ZBTB7C: variants seen among roughly 807,000 people sequenced by gnomAD.
ZBTB7C encodes the protein zinc finger and BTB domain-containing protein 7C.
A neutral mutation model predicts 25.7 loss-of-function variants in ZBTB7C; 8 were observed. The ratio of observed to expected loss-of-function variants is 0.31; its 90% CI spans 0.18 to 0.56. ZBTB7C has a LOEUF of 0.56. Ranked by LOEUF, ZBTB7C falls within the 20% of genes least tolerant of loss-of-function variation. ZBTB7C has a pLI of 0.91. For synonymous variants in ZBTB7C, 394 were observed against 369.0 expected, an observed-to-expected ratio of 1.07 and a Z score of -0.78; for missense variants, 824 against 855.2, an observed-to-expected ratio of 0.96 and a Z score of 0.46.
chr18:48,171,062 G>A (rs1184312076), intron 3 of ZBTB7C, among the ~76,000 whole-genome samples: 1 of 152,196 alleles, frequency 6.6e-6, no homozygotes. Flanking sequence ...GGAACCTAAG[G>A]TTGGTAGGTC....
At chr18:48,239,341 T>C (rs2043463417) in intron 2 of ZBTB7C, among the ~76,000 whole-genome samples, 1 of 152,132 alleles carries the variant, frequency 6.6e-6, no homozygotes, top group Admixed American at 6.5e-5. Context: ...CAAGCTTGTA[T>C]CAGCTGATGC....
At chr18:48,247,961 A>C (rs980300629) in intron 2 of ZBTB7C, among the ~76,000 whole-genome samples, 1 of 152,168 alleles carries the variant, frequency 6.6e-6, no homozygotes, top group Non-Finnish European at 1.5e-5. Context: ...GAGATAATTG[A>C]ATCATGGGGG....
At chr18:48,041,179 T>A (rs2036228625) in intron 3 of ZBTB7C, 56 bp from the exon 4 acceptor site, 1 of 1,512,470 alleles carries the variant, frequency 6.6e-7, no homozygotes, top group South Asian at 1.3e-5. Context: ...CCAGGAGGGG[T>A]CTCAACTCTA....
At chr18:48,186,727 T>G (rs757937998) in intron 2 of ZBTB7C, among the ~76,000 whole-genome samples, 1 of 151,558 alleles carries the variant, frequency 6.6e-6, no homozygotes, top group Non-Finnish European at 1.5e-5. Context: ...CAAGACAGGA[T>G]GCCCTTTAGT....
At chr18:48,168,596 A>C (rs2041351839) in intron 3 of ZBTB7C, among the ~76,000 whole-genome samples, 1 of 152,210 alleles carries the variant, frequency 6.6e-6, no homozygotes, top group Non-Finnish European at 1.5e-5. Context: ...TTATTAATAA[A>C]ATGTAAACAC....
At chr18:48,274,474 A>T (rs2044586246) in intron 2 of ZBTB7C, among the ~76,000 whole-genome samples, 1 of 152,148 alleles carries the variant, frequency 6.6e-6, no homozygotes, top group East Asian at 1.9e-4. Flanking sequence ...CTCTACCAGG[A>T]TGACTCAGCA....
intron 2 of ZBTB7C, among the ~76,000 whole-genome samples, chr18:48,311,232 C>T (rs968208825): frequency 6.6e-6 from 1 of 152,170 alleles, no homozygotes; most frequent in South Asian, 2.1e-4. Context: ...CCTGCCTGCC[C>T]GTGGTGGGAG....
chr18:48,399,457 G>A (rs1250682769), intron 1 of ZBTB7C, among the ~76,000 whole-genome samples: 1 of 152,204 alleles, frequency 6.6e-6, no homozygotes, highest in Non-Finnish European at 1.5e-5. Flanking sequence ...AACAGTTCAA[G>A]GCAGCCTGTT....
intron 3 of ZBTB7C, among the ~76,000 whole-genome samples, chr18:48,178,784 T>G (rs2041774762): frequency 6.6e-6 from 1 of 152,188 alleles, no homozygotes; most frequent in Non-Finnish European, 1.5e-5. Context: ...GTTCTCCTGC[T>G]TGTAATGACA....
intron 3 of ZBTB7C, among the ~76,000 whole-genome samples, chr18:48,054,000 G>C (rs2036808749): frequency 6.6e-6 from 1 of 152,230 alleles, no homozygotes; most frequent in Non-Finnish European, 1.5e-5. Context: ...AGTGAGGATG[G>C]CACATGCAGA....
intron 2 of ZBTB7C, chr18:48,252,852 A>G (rs2043908365): frequency 6.6e-6 from 1 of 152,236 alleles, no homozygotes; most frequent in Non-Finnish European, 1.5e-5. Flanking sequence ...GCAGTCCCTG[A>G]CATTTATTAG....
chr18:48,394,479 T>A (rs1406987477), intron 1 of ZBTB7C, among the ~76,000 whole-genome samples: 1 of 152,098 alleles, frequency 6.6e-6, no homozygotes, highest in Non-Finnish European at 1.5e-5. Context: ...ATGCAGTGGG[T>A]TCATTCATTT....
intron 3 of ZBTB7C, among the ~76,000 whole-genome samples, chr18:48,099,836 C>G (rs1378806313): frequency 6.6e-6 from 1 of 152,220 alleles, no homozygotes; most frequent in Non-Finnish European, 1.5e-5. Flanking sequence ...CTCAGTTGTC[C>G]AAATACCATT....
intron 2 of ZBTB7C, among the ~76,000 whole-genome samples, chr18:48,248,712 C>T (rs547175946): frequency 7.8e-4 from 119 of 152,160 alleles, no homozygotes; most frequent in African/African-American, 2.7e-3. Flanking sequence ...CACCTGGTAA[C>T]TCGATGTTGA....
chr18:48,227,337 C>A (rs938905240), intron 2 of ZBTB7C, among the ~76,000 whole-genome samples: 1 of 152,236 alleles, frequency 6.6e-6, no homozygotes, highest in Non-Finnish European at 1.5e-5. Flanking sequence ...AAAGCCTCCT[C>A]CCATTGAATT....
intron 3 of ZBTB7C, among the ~76,000 whole-genome samples, chr18:48,074,943 TG>T (rs377148012): frequency 6.6e-6 from 1 of 152,354 alleles, no homozygotes; most frequent in African/African-American, 2.4e-5. Context: ...TGGCACCTTT[TG>T]TTTTTTAATT....
chr18:48,136,601 G>A (rs896866912), intron 3 of ZBTB7C, among the ~76,000 whole-genome samples: 4 of 151,808 alleles, frequency 2.6e-5, no homozygotes, highest in African/African-American at 9.7e-5. Flanking sequence ...AGGTACACCC[G>A]CAACTCCCTC....
At position 48,281,213 on chromosome 18, in the gene ZBTB7C, G is replaced by A. The variant is rs1043013045; in HGVS notation, c.-79+56961C>T. Among the ~76,000 whole-genome samples the A allele has an allele frequency of 2.6e-5, 4 of 152,200 alleles. No homozygotes were observed. The South Asian group carries it at 8.3e-4, about 32-fold the overall frequency. On this transcript the variant is annotated intron_variant, in intron 2 of 4. Coordinates refer to ENST00000590800, the MANE Select transcript of ZBTB7C (RefSeq NM_001318841.2). ...TGAGAAAAACAAGCAATGGGGAAAG[G>A]AGTCCCTATTTAATAAATGGTGCTG...
At chr18:48,187,481 A>G (rs1021519140) in intron 2 of ZBTB7C, among the ~76,000 whole-genome samples, 1 of 152,146 alleles carries the variant, frequency 6.6e-6, no homozygotes, top group Non-Finnish European at 1.5e-5. Context: ...GTATGATTCC[A>G]CTTATATGAG....
Sources: gnomAD v4.1 joint callset for allele counts (sites outside exome capture counted in the v4.1 genomes callset) on GRCh38, gnomAD v4.1.1 for gene constraint, MANE v1.5 for transcripts, NCBI Gene and HGNC (gene_info 2026-07-23, HGNC 2026-07-21) for gene names.